Variants in IPMK observed in about 807,000 individuals in gnomAD.
IPMK encodes inositol 1,3,4,6-tetrakisphosphate 5-kinase.
In IPMK, 17 loss-of-function variants were observed where a neutral mutation model predicts 45.8. The ratio of observed to expected loss-of-function variants is 0.37; its 90% confidence interval spans 0.25 to 0.56. The LOEUF (loss-of-function observed/expected upper bound fraction) is 0.56. IPMK is among the 20% of genes least tolerant of loss of function. The probability of loss-of-function intolerance (pLI) is 0.79; values close to 1 mark genes in which losing one functional copy is unlikely to be tolerated. For synonymous variants in IPMK, 180 were observed against 184.3 expected (o/e 0.98, Z 0.19); for missense variants, 399 against 498.0 (o/e 0.80, Z 1.89).
Position 58,245,850 on chromosome 10 carries a change from G to C in IPMK, c.191-8036C>G, listed in dbSNP as rs1257571302. ...AATAAAGGGTATTCAGTTAGGAAAA[G>C]AGGAAGTCAAATTGTCCCTGTTTGC... On this transcript the variant is annotated intron_variant, in intron 1 of 5. Transcript: ENST00000373935. Among the ~76,000 whole-genome samples the C allele has an allele frequency of 2.1e-5, 3 of 146,100 alleles. No individual in the cohort carries two copies. The South Asian group carries it at 6.5e-4, about 32-fold the overall frequency.
At chr10:58,227,231 T>TC (rs773386995) in intron 2 of IPMK, 92 bp from the exon 3 acceptor site, 17 of 960,416 alleles carry the variant, frequency 1.8e-5, no homozygotes, top group Non-Finnish European at 2.5e-5. Flanking sequence ...TGAATTATAA[T>TC]TCATCTGGTA....
intron 1 of IPMK, among the ~76,000 whole-genome samples, chr10:58,241,430 TA>T (rs1212915882): frequency 6.6e-6 from 1 of 152,106 alleles, no homozygotes; most frequent in South Asian, 2.1e-4. Context: ...AGTAGACAGT[TA>T]AACAGAAATA....
chr10:58,201,272 T>C (rs1837993594), intron 4 of IPMK, among the ~76,000 whole-genome samples: 1 of 152,222 alleles, frequency 6.6e-6, no homozygotes, highest in African/African-American at 2.4e-5. Flanking sequence ...CTGCATTATT[T>C]ACAAATTGAA....
chr10:58,261,100 T>A (rs1320678917), intron 1 of IPMK, among the ~76,000 whole-genome samples: 1 of 38,912 alleles, frequency 2.6e-5, no homozygotes, highest in Non-Finnish European at 4.7e-5. Flanking sequence ...TATGCACGGC[T>A]GAGCTATAAA....
In IPMK at chr10:58,227,154, T is replaced by C; in HGVS notation, c.277-15A>G. 6.4e-7 allele frequency: 1 copy of C among 1,554,558 alleles called. No homozygotes were observed. Among genetic ancestry groups the C allele is most frequent in the Non-Finnish European group, 8.9e-7 (1 of 1,128,692 alleles). ...GCAGCATAAACCTGAAACAGAGAAA[T>C]ATAACATTGCTAGATTCTTACAATG... On this transcript the variant is annotated splice_polypyrimidine_tract_variant and intron_variant, in intron 2 of 5. Coordinates refer to ENST00000373935, the MANE Select transcript of IPMK (RefSeq NM_152230.5).
At chr10:58,252,825 T>G (rs1838905051) in intron 1 of IPMK, among the ~76,000 whole-genome samples, 1 of 152,166 alleles carries the variant, frequency 6.6e-6, no homozygotes, top group African/African-American at 2.4e-5. Flanking sequence ...TTGGCCAGGC[T>G]GGTCGCAAAC....
intron 1 of IPMK, among the ~76,000 whole-genome samples, chr10:58,263,800 C>T (rs911748255): frequency 2.0e-5 from 3 of 152,150 alleles, no homozygotes; most frequent in African/African-American, 7.2e-5. Flanking sequence ...ACACAATGTT[C>T]CAGCTGGAAA....
chr10:58,224,392 T>A (rs1338321697), intron 3 of IPMK, among the ~76,000 whole-genome samples: 2 of 152,250 alleles, frequency 1.3e-5, no homozygotes, highest in Admixed American at 1.3e-4. Flanking sequence ...ATTTACTATA[T>A]ATAACTAGCA....
chr10:58,194,996 T>C lies in IPMK; in HGVS notation c.*1080A>G, dbSNP rs1157730606. The C allele has an allele frequency of 6.6e-6, 1 of 151,902 alleles. No individual in the cohort carries two copies. The highest frequency in any genetic ancestry group is 2.4e-5 in the African/African-American group (1 of 41,412). The allele number at this position is 151,902 out of a possible 1,614,324, so 9.4% of individuals were successfully genotyped here. A position where few individuals can be genotyped will look rare whatever the true frequency, so the allele number is the denominator to read the frequency against. On this transcript the variant is annotated 3_prime_UTR_variant, in exon 6 of 6. Transcript: ENST00000373935. ...AAAACTGTTTTGAGGAAGAGTGAAA[T>C]AGAAGCATGAATATAGATACGCACC...
chr10:58,259,678 A>AAAAAAAAAAAAAAAC lies in IPMK; in HGVS notation c.190+7743_190+7744insGTTTTTTTTTTTTTT, dbSNP rs984861270. Among the ~76,000 whole-genome samples, 3,265 of 144,308 alleles carry AAAAAAAAAAAAAAAC rather than the reference A, an allele frequency of 0.023. 205 individuals are homozygous for AAAAAAAAAAAAAAAC. In the East Asian group the frequency reaches 0.23, roughly 10 times the overall value. The allele number at this position is 144,308 out of a possible 152,430, so 94.7% of individuals were successfully genotyped here. Reference sequence around the variant, plus strand: ...TAAAATCCCATCTCTACATAAAAAAAAAAAAAAAACAATTAGCCAGGCATG... The same window carrying AAAAAAAAAAAAAAAC: ...TAAAATCCCATCTCTACATAAAAAAAAAAAAAAAAAAAAACAAAAAAAAACAATTAGCCAGGCATG... On this transcript the variant is annotated intron_variant, in intron 1 of 5. Coordinates refer to ENST00000373935, the MANE Select transcript of IPMK (RefSeq NM_152230.5).
Position 58,216,333 on chromosome 10 carries a change from A to C in IPMK, c.374-16T>G. 7.5e-7 allele frequency: 1 copy of C among 1,328,986 alleles called. No individual in the cohort carries two copies. Among genetic ancestry groups the C allele is most frequent in the Non-Finnish European group, 1.0e-6 (1 of 976,858 alleles). The allele number at this position is 1,328,986 out of a possible 1,614,324, so 82.3% of individuals were successfully genotyped here. ...AGGTATAAATCTGTTATTAAAGAAAAATATTAATTAGTAATAGGCAAACAT... is the reference window on the plus strand; with the variant it reads ...AGGTATAAATCTGTTATTAAAGAAACATATTAATTAGTAATAGGCAAACAT... On this transcript the variant is annotated splice_polypyrimidine_tract_variant and intron_variant, in intron 3 of 5. Transcript: ENST00000373935.
rs61751225 is a variant in IPMK, at chr10:58,196,641, C to A, written c.686G>T (p.Ser229Ile). The A allele has an allele frequency of 1.8e-3, 2,917 of 1,612,876 alleles. 7 individuals are homozygous for A. The highest frequency in any genetic ancestry group is 2.3e-3 in the Non-Finnish European group (2,751 of 1,179,538). The stretch of plus-strand genomic sequence containing the variant: ...CAGAATTTTCTCAATCTTCTGAATA[C>A]TGGCAGCAACAGCATCTTTTCTTAA... ...YCLRKDAVAA[S>I]IQKIEKILQW... Residue 229 changes from serine (S) to isoleucine (I), a missense_variant, in exon 6 of 6, where the codon AGT (serine) becomes ATT (isoleucine). Transcript: ENST00000373935.
rs1017774475 is a variant in IPMK, at chr10:58,263,518, C to T, written c.190+3904G>A. ...CAGCCTGGGCAACAGAGCAAGACTC[C>T]GTTAAAAAAAAAAAAAATTAGCCTG... On this transcript the variant is annotated intron_variant, in intron 1 of 5. Coordinates refer to ENST00000373935, the MANE Select transcript of IPMK (RefSeq NM_152230.5). 8.5e-5 allele frequency among the ~76,000 whole-genome samples: 11 copies of T among 128,866 alleles called. No individual in the cohort carries two copies. In the East Asian group the frequency reaches 2.4e-3, roughly 28 times the overall value. The allele number at this position is 128,866 out of a possible 152,430, so 84.5% of individuals were successfully genotyped here. A position where few individuals can be genotyped will look rare whatever the true frequency, so the allele number is the denominator to read the frequency against.
chr10:58,242,391 T>C (rs1339623639), intron 1 of IPMK, among the ~76,000 whole-genome samples: 1 of 146,278 alleles, frequency 6.8e-6, no homozygotes, highest in African/African-American at 2.6e-5. Context: ...ACCCAGGCGG[T>C]AGGGGTTGCA....
intron 1 of IPMK, among the ~76,000 whole-genome samples, chr10:58,253,734 CAAAAAA>C (rs1183304261): frequency 2.4e-4 from 12 of 49,886 alleles, no homozygotes; most frequent in African/African-American, 1.2e-3. Context: ...ACTCCATCTC[CAAAAAA>C]AAAAAAAAAA....
Position 58,216,272 on chromosome 10 carries a change from G to A in IPMK, c.419C>T (p.Pro140Leu). ...CCCTATCTTTACATCCATTATACAG[G>A]GCTTATTAAATTTATGGGTCACATC... ...LEDVTHKFNKPCIMDVKIGQK... is the reference protein window; with the variant it reads ...LEDVTHKFNKLCIMDVKIGQK... Residue 140 changes from proline to leucine, a missense_variant, in exon 4 of 6, where the codon CCC becomes CTC. Transcript: ENST00000373935. 2 of 1,592,282 alleles carry A rather than the reference G, an allele frequency of 1.3e-6. No homozygotes were observed. The highest frequency in any genetic ancestry group is 1.7e-6 in the Non-Finnish European group (2 of 1,168,732).
chr10:58,214,155 A>G (rs574242469), intron 4 of IPMK, among the ~76,000 whole-genome samples: 7 of 152,314 alleles, frequency 4.6e-5, no homozygotes, highest in African/African-American at 1.7e-4. Context: ...TATAAGAAAG[A>G]TAAGAGAAAA....
intron 2 of IPMK, among the ~76,000 whole-genome samples, chr10:58,235,932 C>CTT (rs559370490): frequency 2.1e-5 from 3 of 142,974 alleles, no homozygotes; most frequent in South Asian, 2.2e-4. Flanking sequence ...TCTTAAAGAA[C>CTT]TTTTTTTTTT....
chr10:58,244,400 T>A (rs1006162412), intron 1 of IPMK, among the ~76,000 whole-genome samples: 1 of 147,148 alleles, frequency 6.8e-6, no homozygotes, highest in Non-Finnish European at 1.5e-5. Context: ...GCTCCTCGTC[T>A]GGGAGGTGGG....
Sources: gnomAD v4.1 joint callset for allele counts (sites outside exome capture counted in the v4.1 genomes callset) on GRCh38, gnomAD v4.1.1 for gene constraint, MANE v1.5 for transcripts, NCBI Gene and HGNC (gene_info 2026-07-23, HGNC 2026-07-21) for gene names.